FNTB: variants seen among roughly 807,000 people sequenced by gnomAD.
The protein encoded by FNTB is protein farnesyltransferase subunit beta.
Under a neutral mutation model 59.4 loss-of-function variants are expected in FNTB, and 27 were observed. That is an observed-to-expected ratio of 0.45 (90% CI 0.34 to 0.63). The LOEUF is 0.63. FNTB is among the 20% of genes least tolerant of loss of function. FNTB has a pLI of 0.02. For missense variants in FNTB, 449 were observed against 559.6 expected (o/e 0.80, Z 1.99); for synonymous variants, 230 against 220.7 (o/e 1.04, Z -0.37).
Position 65,027,930 on chromosome 14 carries a change from C to A in FNTB, c.605+149C>A. ...TGACATGTCAGTGACACGTCAGAAT[C>A]ATTCAGATGTGATGCAGATGTCCTC... On this transcript the variant is annotated intron_variant, in intron 6 of 11. Transcript: ENST00000246166. The surrounding 1 kb of genome is among the most constrained non-coding windows in gnomAD (Gnocchi z 5.7). The A allele has an allele frequency of 1.0e-6, 1 of 971,900 alleles. No homozygotes were observed. The highest frequency in any genetic ancestry group is 1.5e-6 in the Non-Finnish European group (1 of 651,854). The allele number at this position is 971,900 out of a possible 1,614,324, so 60.2% of individuals were successfully genotyped here.
At chr14:65,022,722 T>G (rs2061911864) in intron 4 of FNTB, among the ~76,000 whole-genome samples, 2 of 152,154 alleles carry the variant, frequency 1.3e-5, no homozygotes, top group Non-Finnish European at 2.9e-5. Flanking sequence ...TGAATTCCCT[T>G]TGAGGTGGAA....
intron 4 of FNTB, chr14:65,022,172 G>A (rs183227530): frequency 1.2e-5 from 5 of 425,108 alleles, no homozygotes; most frequent in South Asian, 3.4e-5. Context: ...TAGTTAGTAC[G>A]AGAACAAGCT....
chr14:65,053,286 T>C lies in FNTB; in HGVS notation c.1004T>C (p.Leu335Pro). The C allele has an allele frequency of 2.0e-6, 3 of 1,468,408 alleles. No individual in the cohort carries two copies. The highest frequency in any genetic ancestry group is 1.4e-5 in the South Asian group (1 of 69,362). The allele number at this position is 1,468,408 out of a possible 1,614,324, so 91.0% of individuals were successfully genotyped here. The change falls in exon 10 of 12, where the codon CTG (leucine) becomes CCG (proline). Residue 335 changes from leucine to proline, a missense_variant. Transcript: ENST00000246166. ...MSHWMFHQQA[L>P]QEYILMCCQC... is the part of the protein sequence containing the mutation. ...CACTGGATGTTCCATCAGCAGGCCC[T>C]GCAGGAGTACATCCTGATGTGCTGC... is the stretch of plus-strand genomic sequence containing the variant.
intron 4 of FNTB, among the ~76,000 whole-genome samples, chr14:65,024,932 T>C (rs2061953004): frequency 1.3e-5 from 2 of 152,174 alleles, no homozygotes; most frequent in Admixed American, 1.3e-4. Context: ...TTTTTTTGTT[T>C]GTTTGTTTTT....
chr14:64,991,751 TGGGCTGTAAAAAATAGAGTTTG>T lies in FNTB; in HGVS notation c.144+4659_144+4680del, dbSNP rs1888207204. Among the ~76,000 whole-genome samples, 1 of 152,154 alleles carries T rather than the reference TGGGCTGTAAAAAATAGAGTTTG, an allele frequency of 6.6e-6. No homozygotes were observed. The highest frequency in any genetic ancestry group is 1.9e-4 in the East Asian group (1 of 5,178). On this transcript the variant is annotated intron_variant, in intron 1 of 11. Coordinates refer to ENST00000246166, the MANE Select transcript of FNTB (RefSeq NM_002028.4). This position sits in a 1 kb window ranked among gnomAD's most constrained non-coding sequence, Gnocchi z 4.4. ...ACTTCATGGAGAACGTGGAACTGGG[TGGGCTGTAAAAAATAGAGTTTG>T]GGGCAGCCATTCAAGGAGGGAGAGC...
Position 65,049,059 on chromosome 14 carries a change from G to A in FNTB, c.956-4179G>A, listed in dbSNP as rs566866399. On this transcript the variant is annotated intron_variant, in intron 9 of 11. Coordinates refer to ENST00000246166, the MANE Select transcript of FNTB (RefSeq NM_002028.4). ...GGAGAATCCCTTGAACCCCGGAGGC[G>A]GAGGTTGCAGTGAGCTGAGATCGCG... 9.5e-4 allele frequency among the ~76,000 whole-genome samples: 144 copies of A among 152,026 alleles called. 8 individuals are homozygous for A. In the South Asian group the frequency reaches 0.024, roughly 26 times the overall value.
Position 64,991,827 on chromosome 14 carries a change from G to A in FNTB, c.144+4730G>A, listed in dbSNP as rs1888211568. Among the ~76,000 whole-genome samples the A allele has an allele frequency of 6.6e-6, 1 of 152,074 alleles. No homozygotes were observed. The highest frequency in any genetic ancestry group is 1.5e-5 in the Non-Finnish European group (1 of 68,012). On this transcript the variant is annotated intron_variant, in intron 1 of 11. Coordinates refer to ENST00000246166, the MANE Select transcript of FNTB (RefSeq NM_002028.4). The surrounding 1 kb of genome is among the most constrained non-coding windows in gnomAD (Gnocchi z 4.4). ...TTTGAGGGAAGACTCAGGCTTGACT[G>A]GGGGCGTTAAGATGGCTTACCAGGA...
chr14:65,012,405 A>G lies in FNTB; in HGVS notation c.282+16A>G. ...TGCCTATGAGGTAAACACATTACCC[A>G]GGAACTCTTGCTGTCAAATTATCCA... On this transcript the variant is annotated intron_variant, in intron 3 of 11. Coordinates refer to ENST00000246166, the MANE Select transcript of FNTB (RefSeq NM_002028.4). The surrounding 1 kb of genome is among the most constrained non-coding windows in gnomAD (Gnocchi z 5.0). The G allele has an allele frequency of 6.2e-7, 1 of 1,614,006 alleles. No individual in the cohort carries two copies. The highest frequency in any genetic ancestry group is 1.1e-5 in the South Asian group (1 of 91,076).
In FNTB at chr14:65,053,277, A is replaced by G; in HGVS notation, c.995A>G (p.Gln332Arg). The change falls in exon 10 of 12, where the codon CAG becomes CGG. Residue 332 changes from glutamine (Q) to arginine (R), a missense_variant. Around this residue, in one of 2 missense-constraint regions of FNTB, gnomAD observed 337 missense variants for 479.1 expected, o/e 0.70. Transcript: ENST00000246166. ...ALSMSHWMFH[Q>R]QALQEYILMC... ...AGCATGAGCCACTGGATGTTCCATC[A>G]GCAGGCCCTGCAGGAGTACATCCTG... 1 of 1,463,692 alleles carries G rather than the reference A, an allele frequency of 6.8e-7. No homozygotes were observed. The highest frequency in any genetic ancestry group is 9.1e-7 in the Non-Finnish European group (1 of 1,099,168). The allele number at this position is 1,463,692 out of a possible 1,614,324, so 90.7% of individuals were successfully genotyped here. A position where few individuals can be genotyped will look rare whatever the true frequency, so the allele number is the denominator to read the frequency against.
chr14:65,002,559 A>G (rs368142943), intron 1 of FNTB, among the ~76,000 whole-genome samples: 46 of 152,226 alleles, frequency 3.0e-4, no homozygotes, highest in African/African-American at 1.1e-3. Flanking sequence ...CGGTGAGCCG[A>G]GATCATGCCA....
chr14:65,053,123 G>T lies in FNTB; in HGVS notation c.956-115G>T, dbSNP rs1006661608. 4 of 731,720 alleles carry T rather than the reference G, an allele frequency of 5.5e-6. No homozygotes were observed. The African/African-American group carries it at 5.5e-5, about 10-fold the overall frequency. 45.3% of individuals were successfully genotyped at this position (731,720 alleles called of 1,614,324 possible). ...ATAGCAGTTGTACCAAGAATGAATG[G>T]AAGAGGAAGGGGAGCAGGAAACCTT... On this transcript the variant is annotated intron_variant, in intron 9 of 11. Coordinates refer to ENST00000246166, the MANE Select transcript of FNTB (RefSeq NM_002028.4).
At chr14:64,988,831 G>A in intron 1 of FNTB, among the ~76,000 whole-genome samples, 1 of 152,100 alleles carries the variant, frequency 6.6e-6, no homozygotes, top group East Asian at 1.9e-4. Flanking sequence ...TTAGAGTCTA[G>A]GATGAACAGT....
chr14:65,002,058 A>G (rs1473041678), intron 1 of FNTB, among the ~76,000 whole-genome samples: 3 of 152,214 alleles, frequency 2.0e-5, no homozygotes, highest in Non-Finnish European at 2.9e-5. Flanking sequence ...ATGCTTCTCA[A>G]AGGGACTAGG....
At chr14:64,987,368 C>G (rs936604079) in intron 1 of FNTB, 2 of 528,606 alleles carry the variant, frequency 3.8e-6, no homozygotes, top group Non-Finnish European at 6.9e-6. Context: ...CGAGAAGAAT[C>G]GTGTTCTATG....
At chr14:65,024,259 T>A (rs2061940739) in intron 4 of FNTB, among the ~76,000 whole-genome samples, 1 of 152,118 alleles carries the variant, frequency 6.6e-6, no homozygotes, top group Non-Finnish European at 1.5e-5. Flanking sequence ...TTAAAAAAAA[T>A]ACTGCCACCT....
chr14:65,020,894 G>A (rs929595824), intron 4 of FNTB, among the ~76,000 whole-genome samples: 4 of 151,626 alleles, frequency 2.6e-5, no homozygotes, highest in Non-Finnish European at 4.4e-5. Flanking sequence ...ACCACGCCCA[G>A]CTAATTTTTG....
Position 65,018,455 on chromosome 14 carries a change from G to A in FNTB, c.374+2739G>A, listed in dbSNP as rs920306290. Among the ~76,000 whole-genome samples, 3 of 152,206 alleles carry A rather than the reference G, an allele frequency of 2.0e-5. No homozygotes were observed. In the East Asian group the frequency reaches 5.8e-4, roughly 29 times the overall value. Reference sequence around the variant, plus strand: ...AAAAATATAGATGATGATATGCATAGATAGAACCAGAAAGATACATGTAGT... The same window carrying A: ...AAAAATATAGATGATGATATGCATAAATAGAACCAGAAAGATACATGTAGT... On this transcript the variant is annotated intron_variant, in intron 4 of 11. Coordinates refer to ENST00000246166, the MANE Select transcript of FNTB (RefSeq NM_002028.4).
At position 65,005,501 on chromosome 14, in the gene FNTB, CTTTCT is replaced by C. The variant is rs1184709075; in HGVS notation, c.209+1191_209+1195del. Among the ~76,000 whole-genome samples the C allele has an allele frequency of 4.0e-4, 53 of 133,528 alleles. 1 individual carries two copies. Among genetic ancestry groups the C allele is most frequent in the African/African-American group, 1.6e-3 (50 of 32,036 alleles). 87.6% of individuals were successfully genotyped at this position (133,528 alleles called of 152,430 possible). A position where few individuals can be genotyped will look rare whatever the true frequency, so the allele number is the denominator to read the frequency against. Reference sequence around the variant, plus strand: ...TCTTTCTTTCTTTCTTTCTTTCTTTCTTTCTTTCTTTCTCTCTCTCTTTCTCTTTC... The same window carrying C: ...TCTTTCTTTCTTTCTTTCTTTCTTTCTTCTTTCTCTCTCTCTTTCTCTTTC... On this transcript the variant is annotated intron_variant, in intron 2 of 11. Transcript: ENST00000246166.
rs2061680048 is a variant in FNTB, at chr14:65,011,360, T to C, written c.210-957T>C. Among the ~76,000 whole-genome samples the C allele has an allele frequency of 7.3e-6, 1 of 136,766 alleles. No homozygotes were observed. The highest frequency in any genetic ancestry group is 1.5e-5 in the Non-Finnish European group (1 of 66,182). The allele number at this position is 136,766 out of a possible 152,430, so 89.7% of individuals were successfully genotyped here. On this transcript the variant is annotated intron_variant, in intron 2 of 11. Coordinates refer to ENST00000246166, the MANE Select transcript of FNTB (RefSeq NM_002028.4). The surrounding 1 kb of genome is among the most constrained non-coding windows in gnomAD (Gnocchi z 4.0). ...AGGAGAATAGCTTGAACCCAAGAGG[T>C]GGAGGTTGCAGTAAGCTGAAATCAC...
Sources: allele counts gnomAD v4.1 joint callset (sites outside exome capture counted in the v4.1 genomes callset), GRCh38; gene constraint gnomAD v4.1.1; regional missense constraint gnomAD v4.1.1; non-coding constraint Gnocchi (gnomAD v3.1); transcripts MANE v1.5; gene names NCBI Gene and HGNC (gene_info 2026-07-23, HGNC 2026-07-21).